YARS1: variants seen among roughly 807,000 people sequenced by gnomAD.
YARS1 encodes tyrosine--tRNA ligase, cytoplasmic.
YARS1 carries 36 observed loss-of-function variants against 62.2 expected under a neutral mutation model. That is an observed-to-expected ratio of 0.58 (90% CI 0.44 to 0.76). YARS1 has a LOEUF of 0.76. Ranked by LOEUF, YARS1 falls within the 30% of genes least tolerant of loss-of-function variation. The pLI, the probability that YARS1 is intolerant of heterozygous loss-of-function variation, is 0.00. For synonymous variants in YARS1, 234 were observed against 244.9 expected, an observed-to-expected ratio of 0.96 and a Z score of 0.42; for missense variants, 524 against 639.8, an observed-to-expected ratio of 0.82 and a Z score of 1.95.
chr1:32,807,597 A>G (rs1278250515), intron 3 of YARS1, among the ~76,000 whole-genome samples: 1 of 152,006 alleles, frequency 6.6e-6, no homozygotes, highest in Non-Finnish European at 1.5e-5. Flanking sequence ...AACTAGGACT[A>G]TAGGCATGTG....
At chr1:32,793,620 G>A (rs1653483064) in intron 5 of YARS1, among the ~76,000 whole-genome samples, 1 of 152,236 alleles carries the variant, frequency 6.6e-6, no homozygotes, top group South Asian at 2.1e-4. Context: ...CCTGGGCAAT[G>A]CAAGCAAGAC....
chr1:32,816,390 C>T (rs1238230512), intron 1 of YARS1, among the ~76,000 whole-genome samples: 1 of 152,048 alleles, frequency 6.6e-6, no homozygotes, highest in East Asian at 1.9e-4. Context: ...TATGTAGAAA[C>T]AATAACAAAA....
intron 6 of YARS1, among the ~76,000 whole-genome samples, chr1:32,787,549 G>A (rs889655718): frequency 5.7e-5 from 8 of 140,364 alleles, no homozygotes; most frequent in African/African-American, 1.6e-4. Flanking sequence ...TCACTCTGTT[G>A]CCCAGGCTGG....
At chr1:32,777,556 A>G (rs1271467726) in intron 12 of YARS1, among the ~76,000 whole-genome samples, 1 of 152,210 alleles carries the variant, frequency 6.6e-6, no homozygotes, top group Non-Finnish European at 1.5e-5. Flanking sequence ...GGTTGCAGTG[A>G]GCTGAGATTG....
At chr1:32,793,471 C>T (rs1350364428) in intron 5 of YARS1, among the ~76,000 whole-genome samples, 1 of 151,972 alleles carries the variant, frequency 6.6e-6, no homozygotes, top group East Asian at 1.9e-4. Flanking sequence ...GGTGAAATTC[C>T]ATCTCCAAAA....
At chr1:32,779,699 C>T in intron 11 of YARS1, 176 bp from the exon 12 acceptor site, 1 of 795,108 alleles carries the variant, frequency 1.3e-6, no homozygotes, top group Admixed American at 2.5e-5. Context: ...ACCAGGGTTA[C>T]ATTAACCCAG....
In YARS1 at chr1:32,795,558, G is replaced by A. The variant is rs563842205; in HGVS notation, c.591+2205C>T. Among the ~76,000 whole-genome samples the A allele has an allele frequency of 5.3e-5, 8 of 152,200 alleles. No individual in the cohort carries two copies. The South Asian group carries it at 1.0e-3, about 20-fold the overall frequency. On this transcript the variant is annotated intron_variant, in intron 5 of 12. Transcript: ENST00000373477. Reference sequence around the variant, plus strand: ...GCAGTGGCTCACGTCTGTAATCCTAGCACTATGGGAGGCCAAGGCGGGCAG... The same window carrying A: ...GCAGTGGCTCACGTCTGTAATCCTAACACTATGGGAGGCCAAGGCGGGCAG...
At chr1:32,795,172 A>G (rs1370638606) in intron 5 of YARS1, among the ~76,000 whole-genome samples, 1 of 149,916 alleles carries the variant, frequency 6.7e-6, no homozygotes, top group Non-Finnish European at 1.5e-5. Context: ...ACAAAAAATT[A>G]GCAGGGTGTG....
chr1:32,796,004 G>C (rs1423589108), intron 5 of YARS1, among the ~76,000 whole-genome samples: 1 of 152,032 alleles, frequency 6.6e-6, no homozygotes, highest in Non-Finnish European at 1.5e-5. Context: ...CAGATACAAT[G>C]AAATAATAGG....
At position 32,780,217 on chromosome 1, in the gene YARS1, G is replaced by C. The variant is rs914432062; in HGVS notation, c.1202C>G (p.Thr401Ser). The C allele has an allele frequency of 2.5e-6, 4 of 1,614,150 alleles. No homozygotes were observed. The highest frequency in any genetic ancestry group is 3.4e-6 in the Non-Finnish European group (4 of 1,180,038). The change falls in exon 11 of 13, where the codon ACT (threonine) becomes AGT (serine). Residue 401 changes from threonine (T) to serine (S), a missense_variant. By Grantham distance (58) the Thr-to-Ser change is moderately conservative. Transcript: ENST00000373477. The part of the protein sequence containing the change: ...KIDVGEAEPR[T>S]VVSGLVQFVP... Reference sequence around the variant, plus strand: ...GAACTGTACCAGGCCGCTCACCACAGTCCGTGGTTCAGCTTCCCCCACGTC... The same window carrying C: ...GAACTGTACCAGGCCGCTCACCACACTCCGTGGTTCAGCTTCCCCCACGTC...
At chr1:32,793,831 G>A (rs1009410942) in intron 5 of YARS1, among the ~76,000 whole-genome samples, 3 of 152,154 alleles carry the variant, frequency 2.0e-5, no homozygotes, top group Admixed American at 2.0e-4. Context: ...AAAAATAATT[G>A]CAAACTTCCA....
chr1:32,799,412 C>A (rs771239780), intron 4 of YARS1, among the ~76,000 whole-genome samples: 5 of 152,188 alleles, frequency 3.3e-5, no homozygotes, highest in Non-Finnish European at 7.3e-5. Context: ...AGACTGGAGA[C>A]TCATGGGTTG....
intron 6 of YARS1, among the ~76,000 whole-genome samples, chr1:32,787,741 C>G (rs1653282257): frequency 6.6e-6 from 1 of 151,942 alleles, no homozygotes; most frequent in African/African-American, 2.4e-5. Context: ...TCTCGATCTC[C>G]TGACCTCGTG....
intron 10 of YARS1, 110 bp from the exon 11 acceptor site, chr1:32,780,388 A>C: frequency 7.8e-7 from 1 of 1,282,480 alleles, no homozygotes; most frequent in Non-Finnish European, 1.1e-6. Context: ...AGGCCCCTGG[A>C]AAGACCCCCT....
In YARS1 at chr1:32,775,676, G is replaced by A. The variant is rs1652830635; in HGVS notation, c.*305C>T. On this transcript the variant is annotated 3_prime_UTR_variant, in exon 13 of 13. Transcript: ENST00000373477. Reference sequence around the variant, plus strand: ...GTATTTTTCCAATTATAAGGACTGTGGCATAAATTTTTAAATGAGTTATAT... The same window carrying A: ...GTATTTTTCCAATTATAAGGACTGTAGCATAAATTTTTAAATGAGTTATAT... The A allele has an allele frequency of 4.7e-6, 2 of 425,858 alleles. No homozygotes were observed. The highest frequency in any genetic ancestry group is 8.6e-6 in the Non-Finnish European group (2 of 231,758). The allele number at this position is 425,858 out of a possible 1,614,324, so 26.4% of individuals were successfully genotyped here. A position where few individuals can be genotyped will look rare whatever the true frequency, so the allele number is the denominator to read the frequency against.
chr1:32,812,090 C>CA lies in YARS1; in HGVS notation c.58-1034dup, dbSNP rs1638597669. 2.0e-5 allele frequency among the ~76,000 whole-genome samples: 3 copies of CA among 152,254 alleles called. No homozygotes were observed. The South Asian group carries it at 6.2e-4, about 32-fold the overall frequency. On this transcript the variant is annotated intron_variant, in intron 1 of 12. Transcript: ENST00000373477. ...TGGCAGGAGTCCGGTTGTGCAAACACAGCTCACTGCAGCCTTGACCTCCAG... is the reference window on the plus strand; with the variant it reads ...TGGCAGGAGTCCGGTTGTGCAAACACAAGCTCACTGCAGCCTTGACCTCCAG...
At chr1:32,804,297 A>G (rs1319297551) in intron 4 of YARS1, among the ~76,000 whole-genome samples, 1 of 151,936 alleles carries the variant, frequency 6.6e-6, no homozygotes, top group African/African-American at 2.4e-5. Context: ...GGGGCTCCTC[A>G]CTTCCCAGAC....
In YARS1 at chr1:32,775,769, T is replaced by C; in HGVS notation, c.*212A>G. ...TGGACTCCCTGCTGTGGCCCAGCCCTTGTTAGGGGTTGGTCTCTCACTGCA... is the reference window on the plus strand; with the variant it reads ...TGGACTCCCTGCTGTGGCCCAGCCCCTGTTAGGGGTTGGTCTCTCACTGCA... On this transcript the variant is annotated 3_prime_UTR_variant, in exon 13 of 13. Coordinates refer to ENST00000373477, the MANE Select transcript of YARS1 (RefSeq NM_003680.4). 1 of 599,150 alleles carries C rather than the reference T, an allele frequency of 1.7e-6. No individual in the cohort carries two copies. Among genetic ancestry groups the C allele is most frequent in the Non-Finnish European group, 3.0e-6 (1 of 334,084 alleles). 37.1% of individuals were successfully genotyped at this position (599,150 alleles called of 1,614,324 possible).
rs35746182 is a variant in YARS1, at chr1:32,782,412, G to A, written c.1034C>T (p.Ser345Leu). Reference protein sequence around the residue: ...KLASAAYPDPSKQKPMAKGPA... With the variant: ...KLASAAYPDPLKQKPMAKGPA... The stretch of plus-strand genomic sequence containing the variant: ...TCTCCAGCTGGCCTTACTCTGCTTT[G>A]AGGGATCTGGGTAGGCAGCGCTGGC... Residue 345 changes from serine (S) to leucine (L), a missense_variant, in exon 9 of 13, where the codon TCA becomes TTA. Transcript: ENST00000373477. 4 of 1,613,986 alleles carry A rather than the reference G, an allele frequency of 2.5e-6. No homozygotes were observed. Among genetic ancestry groups the A allele is most frequent in the Non-Finnish European group, 3.4e-6 (4 of 1,179,908 alleles).
Sources: gnomAD v4.1 joint callset for allele counts (sites outside exome capture counted in the v4.1 genomes callset) on GRCh38, gnomAD v4.1.1 for gene constraint, MANE v1.5 for transcripts, NCBI Gene and HGNC (gene_info 2026-07-23, HGNC 2026-07-21) for gene names.